KIF6: variants seen among roughly 807,000 people sequenced by gnomAD.
KIF6 encodes kinesin family member 6.
A neutral mutation model predicts 112.7 loss-of-function variants in KIF6; 106 were observed. The ratio of observed to expected loss-of-function variants is 0.94; its 90% CI spans 0.80 to 1.11. KIF6 has a LOEUF of 1.11. Ranked by LOEUF, KIF6 falls within the 50% of genes least tolerant of loss-of-function variation. The pLI, the probability that KIF6 is intolerant of heterozygous loss-of-function variation, is 0.00. For synonymous variants in KIF6, 339 were observed against 339.9 expected (o/e 1.00, Z 0.03); for missense variants, 929 against 964.0 (o/e 0.96, Z 0.48).
intron 3 of KIF6, among the ~76,000 whole-genome samples, chr6:39,672,457 C>A (rs965304675): frequency 6.6e-6 from 1 of 152,182 alleles, no homozygotes; most frequent in African/African-American, 2.4e-5. Context: ...AGATAATATA[C>A]ATAATCTCAG....
At chr6:39,564,888 C>T (rs933965224) in intron 10 of KIF6, among the ~76,000 whole-genome samples, 3 of 152,168 alleles carry the variant, frequency 2.0e-5, no homozygotes, top group Admixed American at 6.5e-5. Context: ...ATGAATAACA[C>T]GAATTATCCT....
rs1036249152 is a variant in KIF6 at position 39,330,012 on chromosome 6, G to A, written c.*6520C>T. On this transcript the variant is annotated 3_prime_UTR_variant, in exon 23 of 23. Coordinates refer to ENST00000287152, the MANE Select transcript of KIF6 (RefSeq NM_145027.6). Reference sequence around the variant, plus strand: ...AGAGGCACTTAGGCATTTGTTTATTGTCTAATTGGTTCACATGACGATTCT... The same window carrying A: ...AGAGGCACTTAGGCATTTGTTTATTATCTAATTGGTTCACATGACGATTCT... 1.3e-5 allele frequency: 2 copies of A among 152,178 alleles called. No individual in the cohort carries two copies. The highest frequency in any genetic ancestry group is 2.9e-5 in the Non-Finnish European group (2 of 68,026). The allele number at this position is 152,178 out of a possible 1,614,324, so 9.4% of individuals were successfully genotyped here.
At chr6:39,541,427 C>T (rs1373493805) in intron 12 of KIF6, among the ~76,000 whole-genome samples, 4 of 152,202 alleles carry the variant, frequency 2.6e-5, no homozygotes, top group Non-Finnish European at 5.9e-5. Flanking sequence ...ACACGCTGCT[C>T]CTCTTTGTAT....
At chr6:39,626,092 C>A (rs1784077939) in intron 5 of KIF6, among the ~76,000 whole-genome samples, 1 of 152,078 alleles carries the variant, frequency 6.6e-6, no homozygotes, top group Non-Finnish European at 1.5e-5. Context: ...GGTTGGAGAC[C>A]ATAATGTGGT....
intron 13 of KIF6, among the ~76,000 whole-genome samples, chr6:39,500,362 T>A (rs1776052970): frequency 6.6e-6 from 1 of 152,066 alleles, no homozygotes; most frequent in Admixed American, 6.6e-5. Context: ...CTGGCAAGAA[T>A]AAATAAGCAA....
At position 39,333,837 on chromosome 6, in the gene KIF6, T is replaced by C. The variant is rs1265042199; in HGVS notation, c.*2695A>G. On this transcript the variant is annotated 3_prime_UTR_variant, in exon 23 of 23. Coordinates refer to ENST00000287152, the MANE Select transcript of KIF6 (RefSeq NM_145027.6). ...CAGGGACTGGGCTGGAGTCACTGGC[T>C]AGGCTGCTTTCCAGAAAATGTTTTT... 1 of 152,252 alleles carries C rather than the reference T, an allele frequency of 6.6e-6. No homozygotes were observed. Among genetic ancestry groups the C allele is most frequent in the Admixed American group, 6.5e-5 (1 of 15,288 alleles). 9.4% of individuals were successfully genotyped at this position (152,252 alleles called of 1,614,324 possible).
intron 3 of KIF6, among the ~76,000 whole-genome samples, chr6:39,642,631 A>G (rs1784969202): frequency 6.7e-6 from 1 of 149,150 alleles, no homozygotes; most frequent in South Asian, 2.1e-4. Flanking sequence ...AAAAAAAATC[A>G]GTGGCAAGTG....
chr6:39,650,538 T>C (rs1335246581), intron 3 of KIF6, among the ~76,000 whole-genome samples: 1 of 151,612 alleles, frequency 6.6e-6, no homozygotes, highest in Non-Finnish European at 1.5e-5. Context: ...ATTTACATTA[T>C]CTTATTTACA....
At chr6:39,428,096 C>T (rs965607261) in intron 14 of KIF6, among the ~76,000 whole-genome samples, 30 of 152,186 alleles carry the variant, frequency 2.0e-4, no homozygotes, top group Admixed American at 2.6e-4. Context: ...TTTCTGGACA[C>T]TGTCTAAGCC....
chr6:39,471,894 C>G (rs554596961), intron 13 of KIF6, among the ~76,000 whole-genome samples: 1 of 152,312 alleles, frequency 6.6e-6, no homozygotes, highest in African/African-American at 2.4e-5. Context: ...TCCCTTACTT[C>G]TTCCATTTTT....
rs183740796 is a variant in KIF6 at position 39,348,088 on chromosome 6, T to C, written c.2181-1562A>G. Among the ~76,000 whole-genome samples, 130 of 152,364 alleles carry C rather than the reference T, an allele frequency of 8.5e-4. 1 individual carries two copies. The highest frequency in any genetic ancestry group is 3.1e-3 in the African/African-American group (127 of 41,588). On this transcript the variant is annotated intron_variant, in intron 19 of 22. Coordinates refer to ENST00000287152, the MANE Select transcript of KIF6 (RefSeq NM_145027.6). Reference sequence around the variant, plus strand: ...CTCAAGGCTCCTGCTGAGTGGTTCCTGGTGCAGCCTGGAGAAGGGAAGGAG... The same window carrying C: ...CTCAAGGCTCCTGCTGAGTGGTTCCCGGTGCAGCCTGGAGAAGGGAAGGAG...
At position 39,419,266 on chromosome 6, in the gene KIF6, A is replaced by G. The variant is rs928477201; in HGVS notation, c.1810+682T>C. 5.4e-5 allele frequency among the ~76,000 whole-genome samples: 8 copies of G among 148,970 alleles called. No individual in the cohort carries two copies. In the East Asian group the frequency reaches 6.0e-4, roughly 11 times the overall value. On this transcript the variant is annotated intron_variant, in intron 15 of 22. Coordinates refer to ENST00000287152, the MANE Select transcript of KIF6 (RefSeq NM_145027.6). ...TCACATGGGAAGCTGAGGCAGGAGAATCACTTGAACCTGGGAGGTGGAGGT... is the reference window on the plus strand; with the variant it reads ...TCACATGGGAAGCTGAGGCAGGAGAGTCACTTGAACCTGGGAGGTGGAGGT...
chr6:39,641,323 G>T (rs1472196658), intron 3 of KIF6, among the ~76,000 whole-genome samples: 1 of 152,066 alleles, frequency 6.6e-6, no homozygotes, highest in African/African-American at 2.4e-5. Flanking sequence ...CATAAAAATT[G>T]ATGAGTTCAT....
In KIF6 at chr6:39,378,006, T is replaced by G. The variant is rs1766588076; in HGVS notation, c.1861+7616A>C. Among the ~76,000 whole-genome samples, 1 of 152,166 alleles carries G rather than the reference T, an allele frequency of 6.6e-6. No individual in the cohort carries two copies. The highest frequency in any genetic ancestry group is 6.5e-5 in the Admixed American group (1 of 15,282). ...AGCCATCCTTTGGAACTTGTTGATC[T>G]TAAGTTTAAGATATTTTCTTTTTTT... On this transcript the variant is annotated intron_variant, in intron 16 of 22. Coordinates refer to ENST00000287152, the MANE Select transcript of KIF6 (RefSeq NM_145027.6). The surrounding 1 kb of genome is among the most constrained non-coding windows in gnomAD (Gnocchi z 5.0).
At chr6:39,386,974 G>A (rs1261455834) in intron 15 of KIF6, among the ~76,000 whole-genome samples, 8 of 152,162 alleles carry the variant, frequency 5.3e-5, no homozygotes, top group Admixed American at 2.0e-4. Context: ...GCTGAATTGA[G>A]TATTCAAAAG....
chr6:39,543,219 C>T (rs1420641189), intron 12 of KIF6, among the ~76,000 whole-genome samples: 4 of 152,148 alleles, frequency 2.6e-5, no homozygotes, highest in Admixed American at 2.0e-4. Flanking sequence ...AGACTAGGAT[C>T]AAGGCCAGGA....
intron 13 of KIF6, among the ~76,000 whole-genome samples, chr6:39,510,540 A>G (rs1324576100): frequency 6.6e-6 from 1 of 152,144 alleles, no homozygotes; most frequent in Non-Finnish European, 1.5e-5. Flanking sequence ...AGAGCTCCCG[A>G]AGGAATCACT....
At chr6:39,698,627 A>G (rs1458973752) in intron 3 of KIF6, among the ~76,000 whole-genome samples, 1 of 152,234 alleles carries the variant, frequency 6.6e-6, no homozygotes, top group African/African-American at 2.4e-5. Context: ...AAGTGAAAAT[A>G]TACTGTACTT....
At chr6:39,337,155 T>TTTTC (rs1157885640) in intron 22 of KIF6, among the ~76,000 whole-genome samples, 5 of 53,698 alleles carry the variant, frequency 9.3e-5, no homozygotes, top group Admixed American at 3.4e-4. Context: ...TTTCTCTTTC[T>TTTTC]TTTCTTTCTT....
Sources: gnomAD v4.1 joint callset for allele counts (sites outside exome capture counted in the v4.1 genomes callset) on GRCh38, gnomAD v4.1.1 for gene constraint, Gnocchi (gnomAD v3.1) non-coding constraint, MANE v1.5 for transcripts, NCBI Gene and HGNC (gene_info 2026-07-23, HGNC 2026-07-21) for gene names.